The following SLC49A4 variants were observed in gnomAD, a reference collection of about 807,000 sequenced individuals.
SLC49A4 encodes solute carrier family 49 member 4, also known as disrupted in renal cancer protein 2.
Under a neutral mutation model 50.6 loss-of-function variants are expected in SLC49A4, and 36 were observed. The ratio of observed to expected loss-of-function variants is 0.71; its 90% CI spans 0.55 to 0.94. The LOEUF (loss-of-function observed/expected upper bound fraction) is 0.94. Ranked by LOEUF, SLC49A4 falls within the 40% of genes least tolerant of loss-of-function variation. The probability of loss-of-function intolerance (pLI) is 0.00; values close to 1 mark genes in which losing one functional copy is unlikely to be tolerated. For synonymous variants in SLC49A4, 248 were observed against 241.2 expected, an observed-to-expected ratio of 1.03 and a Z score of -0.26; for missense variants, 503 against 605.7, an observed-to-expected ratio of 0.83 and a Z score of 1.78.
chr3:122,830,581 A>G (rs768553306), intron 3 of SLC49A4, among the ~76,000 whole-genome samples: 1 of 152,236 alleles, frequency 6.6e-6, no homozygotes, highest in African/African-American at 2.4e-5. Context: ...AAGTCTTTTC[A>G]GTAAATGGTA....
intron 4 of SLC49A4, among the ~76,000 whole-genome samples, chr3:122,834,413 C>G (rs548257902): frequency 2.0e-5 from 3 of 152,034 alleles, no homozygotes; most frequent in Non-Finnish European, 4.4e-5. Context: ...CAAAAGGAAC[C>G]CTCAAAACTG....
At chr3:122,837,999 C>A (rs1384902209) in intron 4 of SLC49A4, among the ~76,000 whole-genome samples, 4 of 151,778 alleles carry the variant, frequency 2.6e-5, no homozygotes, top group African/African-American at 7.3e-5. Context: ...AAATCAAAAC[C>A]ACAATGAGAT....
intron 2 of SLC49A4, among the ~76,000 whole-genome samples, chr3:122,820,450 A>T (rs543941156): frequency 1.2e-4 from 19 of 152,376 alleles, no homozygotes; most frequent in African/African-American, 4.6e-4. Flanking sequence ...TTTTAATTCT[A>T]AAACATCATA....
At chr3:122,829,815 T>C (rs1437361031) in intron 3 of SLC49A4, among the ~76,000 whole-genome samples, 2 of 152,168 alleles carry the variant, frequency 1.3e-5, no homozygotes, top group African/African-American at 2.4e-5. Context: ...ATGTCCATTT[T>C]TCCATGCCTT....
intron 7 of SLC49A4, among the ~76,000 whole-genome samples, chr3:122,865,629 T>C (rs948614902): frequency 6.6e-6 from 1 of 152,254 alleles, no homozygotes; most frequent in African/African-American, 2.4e-5. Flanking sequence ...GAATGTTTCT[T>C]CTGGCTGCTT....
At chr3:122,822,983 G>T (rs1936475455) in intron 2 of SLC49A4, among the ~76,000 whole-genome samples, 1 of 152,064 alleles carries the variant, frequency 6.6e-6, no homozygotes, top group Non-Finnish European at 1.5e-5. Flanking sequence ...CCACTGTGTT[G>T]CCAGTACCAC....
chr3:122,880,684 G>A lies in SLC49A4; in HGVS notation c.*1306G>A, dbSNP rs537895706. ...AAATTGAACCTTCATTGTCAGCTAAGTATATATACTTTTGTGTTTTCCTGG... is the reference window on the plus strand; with the variant it reads ...AAATTGAACCTTCATTGTCAGCTAAATATATATACTTTTGTGTTTTCCTGG... On this transcript the variant is annotated 3_prime_UTR_variant, in exon 9 of 9. Coordinates refer to ENST00000261038, the MANE Select transcript of SLC49A4 (RefSeq NM_032839.3). 2 of 152,308 alleles carry A rather than the reference G, an allele frequency of 1.3e-5. No homozygotes were observed. Among genetic ancestry groups the A allele is most frequent in the East Asian group, 3.9e-4 (2 of 5,188 alleles). The allele number at this position is 152,308 out of a possible 1,614,324, so 9.4% of individuals were successfully genotyped here.
chr3:122,845,284 A>G (rs1211323277), intron 4 of SLC49A4, among the ~76,000 whole-genome samples: 2 of 152,178 alleles, frequency 1.3e-5, no homozygotes, highest in East Asian at 1.9e-4. Flanking sequence ...TGTTGCTGCA[A>G]AGGTTGTGAT....
At chr3:122,846,134 T>G (rs767497138) in intron 5 of SLC49A4, among the ~76,000 whole-genome samples, 1 of 152,204 alleles carries the variant, frequency 6.6e-6, no homozygotes, top group Non-Finnish European at 1.5e-5. Flanking sequence ...AAGTCTTAGT[T>G]TTGTTGACCC....
At chr3:122,850,782 C>T (rs754553938) in intron 5 of SLC49A4, among the ~76,000 whole-genome samples, 4 of 152,108 alleles carry the variant, frequency 2.6e-5, no homozygotes, top group Non-Finnish European at 2.9e-5. Flanking sequence ...TGGGCCATGT[C>T]GGGCCATCTT....
At chr3:122,821,255 T>C (rs2107563049) in intron 2 of SLC49A4, among the ~76,000 whole-genome samples, 1 of 152,306 alleles carries the variant, frequency 6.6e-6, no homozygotes, top group Middle Eastern at 3.4e-3. Flanking sequence ...AATGGACTAA[T>C]ACACCCTCTC....
At chr3:122,805,647 G>A (rs536990846) in intron 1 of SLC49A4, among the ~76,000 whole-genome samples, 1 of 152,340 alleles carries the variant, frequency 6.6e-6, no homozygotes, top group East Asian at 1.9e-4. Context: ...TGAACCACCT[G>A]TGTGATGTGG....
chr3:122,831,643 T>A (rs1038065943), intron 3 of SLC49A4, among the ~76,000 whole-genome samples: 9 of 152,082 alleles, frequency 5.9e-5, no homozygotes, highest in Non-Finnish European at 1.3e-4. Flanking sequence ...GAGTTTCTTT[T>A]TGGGTTGTTG....
chr3:122,818,367 TGAA>T (rs1936406412), intron 2 of SLC49A4, among the ~76,000 whole-genome samples: 1 of 152,168 alleles, frequency 6.6e-6, no homozygotes, highest in South Asian at 2.1e-4. Flanking sequence ...GGAAAAAAAC[TGAA>T]GAAAAGACTG....
At chr3:122,843,957 A>G (rs900046367) in intron 4 of SLC49A4, among the ~76,000 whole-genome samples, 1 of 152,142 alleles carries the variant, frequency 6.6e-6, no homozygotes, top group African/African-American at 2.4e-5. Flanking sequence ...GTATTAATCT[A>G]TCACATTTCA....
chr3:122,879,200 T>C, intron 8 of SLC49A4, 63 bp from the exon 9 acceptor site: 1 of 1,178,896 alleles, frequency 8.5e-7, no homozygotes, highest in Non-Finnish European at 1.3e-6. Context: ...CCTTCCGGCA[T>C]ACAGGTGGTG....
At chr3:122,842,198 G>C (rs1158258809) in intron 4 of SLC49A4, among the ~76,000 whole-genome samples, 2 of 152,056 alleles carry the variant, frequency 1.3e-5, no homozygotes, top group East Asian at 3.9e-4. Flanking sequence ...CAAGATTGCA[G>C]ATGTTAGGCC....
intron 8 of SLC49A4, among the ~76,000 whole-genome samples, chr3:122,877,935 A>G (rs368631125): frequency 2.0e-5 from 3 of 152,198 alleles, no homozygotes; most frequent in East Asian, 1.9e-4. Context: ...CCATTGAAAT[A>G]TATGTCTTTG....
intron 1 of SLC49A4, among the ~76,000 whole-genome samples, chr3:122,804,653 T>C (rs895144397): frequency 2.0e-5 from 3 of 152,194 alleles, no homozygotes; most frequent in Non-Finnish European, 2.9e-5. Flanking sequence ...TTATTTTTCA[T>C]TTTTGTATTT....
Sources: gnomAD v4.1 joint callset for allele counts (sites outside exome capture counted in the v4.1 genomes callset) on GRCh38, gnomAD v4.1.1 for gene constraint, MANE v1.5 for transcripts, NCBI Gene and HGNC (gene_info 2026-07-23, HGNC 2026-07-21) for gene names.